Variants in FRMPD4 observed in about 807,000 individuals in gnomAD.
FRMPD4 encodes the protein FERM and PDZ domain containing 4, also known as FERM and PDZ domain-containing protein 4.
Under a neutral mutation model 94.1 loss-of-function variants are expected in FRMPD4, and 22 were observed. The ratio of observed to expected loss-of-function variants is 0.23; its 90% confidence interval spans 0.17 to 0.33. FRMPD4 has a LOEUF of 0.33. Ranked by LOEUF, FRMPD4 falls within the 10% of genes least tolerant of loss-of-function variation. The pLI, the probability that FRMPD4 is intolerant of heterozygous loss-of-function variation, is 1.00. For synonymous variants in FRMPD4, 631 were observed against 548.6 expected, an observed-to-expected ratio of 1.15 and a Z score of -2.10; for missense variants, 1,111 against 1,339.9, an observed-to-expected ratio of 0.83 and a Z score of 2.67.
intron 1 of FRMPD4, among the ~76,000 whole-genome samples, chrX:12,169,834 A>G (rs769970797): frequency 1.8e-5 from 2 of 112,717 alleles, no homozygotes; most frequent in African/African-American, 6.4e-5. Context: ...AACACATGAC[A>G]TATAGAACTT....
intron 3 of FRMPD4, among the ~76,000 whole-genome samples, chrX:11,892,375 T>C (rs2053880104): frequency 1.8e-5 from 2 of 111,981 alleles, no homozygotes. Context: ...GTAAAGATGG[T>C]CTTTCAACAA....
intron 1 of FRMPD4, among the ~76,000 whole-genome samples, chrX:12,486,801 G>A (rs1188713587): frequency 8.9e-6 from 1 of 111,950 alleles, no homozygotes; most frequent in Non-Finnish European, 1.9e-5. Flanking sequence ...GGGCTCACTT[G>A]AGCCTATTAT....
intron 3 of FRMPD4, among the ~76,000 whole-genome samples, chrX:11,982,257 A>T (rs2054401405): frequency 9.1e-6 from 1 of 110,116 alleles, no homozygotes; most frequent in Admixed American, 9.6e-5. Context: ...CTGCTGTTGC[A>T]GTTGAGAAAA....
At chrX:11,923,976 T>A (rs973781177) in intron 3 of FRMPD4, among the ~76,000 whole-genome samples, 1 of 111,784 alleles carries the variant, frequency 8.9e-6, no homozygotes. Flanking sequence ...CGGATAGGAA[T>A]TAAGATCATC....
intron 2 of FRMPD4, among the ~76,000 whole-genome samples, chrX:12,547,337 T>C (rs2058489688): frequency 9.0e-6 from 1 of 111,637 alleles, no homozygotes; most frequent in Admixed American, 9.6e-5. Context: ...TTGGTCACTA[T>C]AGTCCAGGGG....
intron 2 of FRMPD4, among the ~76,000 whole-genome samples, chrX:12,592,443 C>G (rs1372434596): frequency 8.9e-6 from 1 of 111,805 alleles, no homozygotes; most frequent in Admixed American, 9.4e-5. Flanking sequence ...ACCTTTCTGC[C>G]CCTACACACT....
intron 3 of FRMPD4, among the ~76,000 whole-genome samples, chrX:11,942,726 A>G (rs2054167586): frequency 8.9e-6 from 1 of 112,086 alleles, no homozygotes; most frequent in African/African-American, 3.2e-5. Context: ...ATAAAATTCA[A>G]TTTTAACCAT....
intron 1 of FRMPD4, among the ~76,000 whole-genome samples, chrX:12,401,029 A>G (rs1399080519): frequency 8.9e-6 from 1 of 112,226 alleles, no homozygotes; most frequent in Non-Finnish European, 1.9e-5. Flanking sequence ...AAGCAAGTCC[A>G]ATGTCCAAGT....
chrX:12,613,119 CAG>C (rs2059199130), intron 3 of FRMPD4, among the ~76,000 whole-genome samples: 1 of 112,243 alleles, frequency 8.9e-6, no homozygotes, highest in Non-Finnish European at 1.9e-5. Flanking sequence ...AACTATCACC[CAG>C]AGTCAGACCT....
At chrX:11,832,833 T>C (rs1308425404) in intron 1 of FRMPD4, among the ~76,000 whole-genome samples, 1 of 111,793 alleles carries the variant, frequency 8.9e-6, no homozygotes, top group African/African-American at 3.3e-5. Flanking sequence ...TCAACCTACA[T>C]GGACACATCA....
intron 2 of FRMPD4, among the ~76,000 whole-genome samples, chrX:12,569,061 C>T (rs1021925867): frequency 5.4e-5 from 6 of 111,077 alleles, no homozygotes; most frequent in African/African-American, 2.0e-4. Flanking sequence ...GTGAGTTCTT[C>T]CTTCTCTTCC....
At chrX:12,122,998 T>A (rs1265689417) in intron 3 of FRMPD4, among the ~76,000 whole-genome samples, 1 of 111,162 alleles carries the variant, frequency 9.0e-6, no homozygotes, top group East Asian at 2.8e-4. Context: ...AAGGAGGGCC[T>A]CCCTTTATGC....
At chrX:12,224,260 A>T (rs748299660) in intron 1 of FRMPD4, among the ~76,000 whole-genome samples, 13 of 111,293 alleles carry the variant, frequency 1.2e-4, no homozygotes, top group African/African-American at 3.9e-4. Context: ...ATTTTATCTT[A>T]TTTTTTGAGA....
At chrX:11,844,648 G>C (rs1283928285) in intron 1 of FRMPD4, among the ~76,000 whole-genome samples, 4 of 111,370 alleles carry the variant, frequency 3.6e-5, no homozygotes, top group African/African-American at 9.8e-5. Flanking sequence ...GTTTTCTTTT[G>C]CTGCTTTCAA....
At chrX:11,873,759 T>C (rs1042011766) in intron 2 of FRMPD4, among the ~76,000 whole-genome samples, 16 of 110,191 alleles carry the variant, frequency 1.5e-4, no homozygotes, top group Non-Finnish European at 2.1e-4. Context: ...AAAATTTATA[T>C]GGAAATAGAA....
At chrX:12,663,389 T>A (rs755805877) in intron 4 of FRMPD4, among the ~76,000 whole-genome samples, 1 of 111,239 alleles carries the variant, frequency 9.0e-6, no homozygotes, top group African/African-American at 3.3e-5. Flanking sequence ...AAGGAAGGGG[T>A]ATAGTTTCAG....
chrX:11,909,148 T>C (rs2053983654), intron 3 of FRMPD4, among the ~76,000 whole-genome samples: 1 of 112,004 alleles, frequency 8.9e-6, no homozygotes, highest in Non-Finnish European at 1.9e-5. Context: ...TCTTTAAATA[T>C]GTGGTAGAAC....
chrX:12,004,042 A>G (rs1159608130), intron 3 of FRMPD4, among the ~76,000 whole-genome samples: 5 of 111,297 alleles, frequency 4.5e-5, no homozygotes, highest in Non-Finnish European at 9.4e-5. Context: ...TTGATTCCCA[A>G]TGCTGGCTGT....
At chrX:12,201,542 T>G (rs1398981000) in intron 1 of FRMPD4, among the ~76,000 whole-genome samples, 1 of 112,015 alleles carries the variant, frequency 8.9e-6, no homozygotes. Context: ...TTATAAGAGA[T>G]ATGATGGAAC....
Sources: allele counts gnomAD v4.1 joint callset (sites outside exome capture counted in the v4.1 genomes callset), GRCh38; gene constraint gnomAD v4.1.1; transcripts MANE v1.5; gene names NCBI Gene and HGNC (gene_info 2026-07-23, HGNC 2026-07-21).